The following MYRIP variants were observed in gnomAD, a reference collection of about 807,000 sequenced individuals.
MYRIP encodes the protein myosin VIIA and Rab interacting protein.
Under a neutral mutation model 98.0 loss-of-function variants are expected in MYRIP, and 49 were observed. That is an observed-to-expected ratio of 0.50 (90% CI 0.40 to 0.63). The LOEUF (loss-of-function observed/expected upper bound fraction) is 0.63. Among genes scored for constraint, MYRIP ranks in the 30% least tolerant of loss-of-function variants. The pLI is 0.00. For synonymous variants in MYRIP, 404 were observed against 409.5 expected (o/e 0.99, Z 0.16); for missense variants, 1,004 against 1,058.2 (o/e 0.95, Z 0.71).
chr3:39,946,076 GC>G (rs1352704795), intron 2 of MYRIP, among the ~76,000 whole-genome samples: 1 of 151,796 alleles, frequency 6.6e-6, no homozygotes, highest in East Asian at 1.9e-4. Context: ...ATCTAAGAAA[GC>G]TTTGATCCCT....
intron 1 of MYRIP, among the ~76,000 whole-genome samples, chr3:39,846,562 C>G (rs1941972671): frequency 1.3e-5 from 2 of 152,086 alleles, no homozygotes; most frequent in Admixed American, 1.3e-4. Flanking sequence ...CTTCCTTGTT[C>G]CTCATTGTTG....
intron 3 of MYRIP, among the ~76,000 whole-genome samples, chr3:40,122,344 C>T (rs72856926): frequency 0.031 from 4,659 of 151,458 alleles, 225 homozygotes; most frequent in African/African-American, 0.1. Context: ...CCTAATTTTA[C>T]ATGTGAAATG....
intron 3 of MYRIP, among the ~76,000 whole-genome samples, chr3:40,144,939 C>A (rs1469079713): frequency 6.6e-6 from 1 of 152,182 alleles, no homozygotes; most frequent in Non-Finnish European, 1.5e-5. Context: ...CTCCCTCTTT[C>A]TGCATGTTGA....
chr3:39,916,418 A>AC (rs1944161134), intron 2 of MYRIP, among the ~76,000 whole-genome samples: 1 of 151,896 alleles, frequency 6.6e-6, no homozygotes, highest in Admixed American at 6.6e-5. Flanking sequence ...CAAAAAAAAA[A>AC]AAATCACACC....
At chr3:40,084,395 A>G (rs1948561745) in intron 3 of MYRIP, among the ~76,000 whole-genome samples, 1 of 147,790 alleles carries the variant, frequency 6.8e-6, no homozygotes, top group African/African-American at 2.5e-5. Flanking sequence ...ATCGATAGAT[A>G]ATACACATCT....
intron 2 of MYRIP, among the ~76,000 whole-genome samples, chr3:39,997,918 A>G (rs775618134): frequency 6.6e-6 from 1 of 152,192 alleles, no homozygotes; most frequent in Non-Finnish European, 1.5e-5. Flanking sequence ...ACATAAACAG[A>G]ATCAATGACA....
At chr3:39,999,619 T>A (rs374450721) in intron 2 of MYRIP, among the ~76,000 whole-genome samples, 48 of 152,026 alleles carry the variant, frequency 3.2e-4, no homozygotes, top group African/African-American at 9.4e-4. Flanking sequence ...TCAGTGTGGC[T>A]ATTCCTCAGG....
chr3:40,130,479 G>A (rs896284338), intron 3 of MYRIP, among the ~76,000 whole-genome samples: 1 of 150,468 alleles, frequency 6.6e-6, no homozygotes, highest in Non-Finnish European at 1.5e-5. Flanking sequence ...CCGGGTTCAC[G>A]CCATTCTCCT....
intron 1 of MYRIP, among the ~76,000 whole-genome samples, chr3:39,897,807 T>C (rs1229649964): frequency 3.3e-5 from 5 of 149,352 alleles, no homozygotes; most frequent in African/African-American, 1.2e-4. Flanking sequence ...TTTATTTCTT[T>C]ACAAAAACAA....
chr3:40,144,285 C>T (rs1949968898), intron 3 of MYRIP, among the ~76,000 whole-genome samples: 1 of 152,142 alleles, frequency 6.6e-6, no homozygotes, highest in Admixed American at 6.5e-5. Context: ...TGGAGCCAGC[C>T]CTGCAGAAAG....
At chr3:39,837,575 A>G (rs998417793) in intron 1 of MYRIP, among the ~76,000 whole-genome samples, 1 of 152,182 alleles carries the variant, frequency 6.6e-6, no homozygotes, top group South Asian at 2.1e-4. Flanking sequence ...ATTGGTCTAT[A>G]TATCTGTTTT....
At chr3:40,254,959 T>C (rs1953526608) in intron 16 of MYRIP, among the ~76,000 whole-genome samples, 1 of 152,216 alleles carries the variant, frequency 6.6e-6, no homozygotes, top group Non-Finnish European at 1.5e-5. Flanking sequence ...CTCCCTATCA[T>C]TGTCCCTGTC....
intron 2 of MYRIP, among the ~76,000 whole-genome samples, chr3:40,028,505 A>G (rs904395047): frequency 2.6e-5 from 4 of 152,194 alleles, no homozygotes; most frequent in Non-Finnish European, 5.9e-5. Context: ...AATCCAATGG[A>G]AAGACTAGTA....
intron 2 of MYRIP, among the ~76,000 whole-genome samples, chr3:39,920,744 G>T (rs2125690486): frequency 6.6e-6 from 1 of 152,318 alleles, no homozygotes; most frequent in Non-Finnish European, 1.5e-5. Context: ...AAGCTTTGCA[G>T]CTACTGAGAA....
chr3:39,919,798 T>C (rs1355406936), intron 2 of MYRIP, among the ~76,000 whole-genome samples: 1 of 152,044 alleles, frequency 6.6e-6, no homozygotes, highest in Admixed American at 6.5e-5. Context: ...GTACACTATT[T>C]ATTCATTTTA....
chr3:40,126,849 G>T (rs939638935), intron 3 of MYRIP, among the ~76,000 whole-genome samples: 1 of 152,222 alleles, frequency 6.6e-6, no homozygotes, highest in Non-Finnish European at 1.5e-5. Flanking sequence ...GGCATCCCTG[G>T]GGCCTATCCT....
In MYRIP at chr3:39,854,567, T is replaced by A. The variant is rs535339557; in HGVS notation, c.-31+44651T>A. ...CCTGTACTGTTTTTTAAAATTTTTTTAAGTTGGTTTTCCTCTTTCTCTGGT... is the reference window on the plus strand; with the variant it reads ...CCTGTACTGTTTTTTAAAATTTTTTAAAGTTGGTTTTCCTCTTTCTCTGGT... On this transcript the variant is annotated intron_variant, in intron 1 of 16. Coordinates refer to ENST00000302541, the MANE Select transcript of MYRIP (RefSeq NM_015460.4). Among the ~76,000 whole-genome samples the A allele has an allele frequency of 3.3e-5, 5 of 152,296 alleles. No homozygotes were observed. The South Asian group carries it at 8.3e-4, about 25-fold the overall frequency.
At chr3:40,099,469 G>A (rs1948898998) in intron 3 of MYRIP, among the ~76,000 whole-genome samples, 1 of 152,092 alleles carries the variant, frequency 6.6e-6, no homozygotes, top group African/African-American at 2.4e-5. Flanking sequence ...GAGGTTCATA[G>A]AAGCAAAATA....
Position 40,084,419 on chromosome 3 carries a change from C to T in MYRIP, c.332+40148C>T, listed in dbSNP as rs1559393731. ...TAATACACATCTATGTATTATCTAT[C>T]GGTAGATAATACACATCTATGTATT... On this transcript the variant is annotated intron_variant, in intron 3 of 16. Coordinates refer to ENST00000302541, the MANE Select transcript of MYRIP (RefSeq NM_015460.4). Among the ~76,000 whole-genome samples the T allele has an allele frequency of 3.9e-4, 20 of 50,882 alleles. 2 individuals are homozygous for T. Among genetic ancestry groups the T allele is most frequent in the African/African-American group, 1.3e-3 (18 of 14,344 alleles). The allele number at this position is 50,882 out of a possible 152,430, so 33.4% of individuals were successfully genotyped here. A position where few individuals can be genotyped will look rare whatever the true frequency, so the allele number is the denominator to read the frequency against.
Sources: allele counts gnomAD v4.1 joint callset (sites outside exome capture counted in the v4.1 genomes callset), GRCh38; gene constraint gnomAD v4.1.1; transcripts MANE v1.5; gene names NCBI Gene and HGNC (gene_info 2026-07-23, HGNC 2026-07-21).